DLST: variants seen among roughly 807,000 people sequenced by gnomAD.
The protein encoded by DLST is dihydrolipoyllysine-residue succinyltransferase component of 2-oxoglutarate dehydrogenase complex, mitochondrial.
Under a neutral mutation model 53.1 loss-of-function variants are expected in DLST, and 17 were observed. The observed-to-expected ratio is 0.32, with a 90% confidence interval of 0.22 to 0.48. The LOEUF (loss-of-function observed/expected upper bound fraction) is 0.48. Among genes scored for constraint, DLST ranks in the 20% least tolerant of loss-of-function variants. The pLI, the probability that DLST is intolerant of heterozygous loss-of-function variation, is 0.99. For synonymous variants in DLST, 206 were observed against 204.8 expected (o/e 1.01, Z -0.05); for missense variants, 512 against 583.9 (o/e 0.88, Z 1.27).
rs183306745 is a variant in DLST, at chr14:74,884,627, C to T, written c.98-959C>T. On this transcript the variant is annotated intron_variant, in intron 2 of 14. Coordinates refer to ENST00000334220, the MANE Select transcript of DLST (RefSeq NM_001933.5). ...CAAATGAAATTTGCTGTAGGATGAA[C>T]TCTGAATTGGACTCCAGGTTCCCAA... Among the ~76,000 whole-genome samples the T allele has an allele frequency of 2.6e-5, 4 of 152,314 alleles. No homozygotes were observed. In the East Asian group the frequency reaches 7.7e-4, roughly 29 times the overall value.
At chr14:74,898,019 T>A (rs1033639485) in intron 10 of DLST, among the ~76,000 whole-genome samples, 47 of 150,500 alleles carry the variant, frequency 3.1e-4, no homozygotes, top group African/African-American at 1.0e-3. Context: ...CTTTAAAAAA[T>A]TTTTTTTCAG....
chr14:74,894,692 C>T (rs1884021733), intron 10 of DLST, among the ~76,000 whole-genome samples: 1 of 151,924 alleles, frequency 6.6e-6, no homozygotes, highest in Non-Finnish European at 1.5e-5. Context: ...AATACAGGCG[C>T]CCCCCACCAC....
chr14:74,893,125 C>G, intron 8 of DLST, 139 bp downstream of exon 8: 1 of 1,180,906 alleles, frequency 8.5e-7, no homozygotes, highest in Non-Finnish European at 1.2e-6. Flanking sequence ...ACTTTGTATC[C>G]AAAGGCCTGC....
Position 74,882,396 on chromosome 14 carries a change from C to T in DLST, c.64-195C>T, listed in dbSNP as rs575704641. Among the ~76,000 whole-genome samples, 591 of 152,290 alleles carry T rather than the reference C, an allele frequency of 3.9e-3. 3 individuals carry two copies. The highest frequency in any genetic ancestry group is 7.1e-3 in the Non-Finnish European group (481 of 68,010). ...AAAATCAGTGGGTATTAATGAGTCC[C>T]GTTGGGAAGTTGAGATAGTTTGGCA... On this transcript the variant is annotated intron_variant, in intron 1 of 14. Transcript: ENST00000334220.
At chr14:74,891,622 G>A (rs1345354309) in intron 7 of DLST, 10 of 986,100 alleles carry the variant, frequency 1.0e-5, no homozygotes, top group Non-Finnish European at 6.0e-6. Flanking sequence ...ATATCTCTAG[G>A]AAGGGTTGGT....
At chr14:74,900,755 C>T (rs185804244) in intron 13 of DLST, among the ~76,000 whole-genome samples, 5 of 152,306 alleles carry the variant, frequency 3.3e-5, no homozygotes, top group South Asian at 2.1e-4. Flanking sequence ...GGCAGGGTCT[C>T]GCTGTGTTGC....
At chr14:74,891,344 G>A (rs769157800) in intron 7 of DLST, 177 bp downstream of exon 7, 1 of 1,380,364 alleles carries the variant, frequency 7.2e-7, no homozygotes, top group African/African-American at 1.5e-5. Flanking sequence ...AATTCTAAAA[G>A]AAAAGTGTAT....
chr14:74,896,541 G>A (rs565680406), intron 10 of DLST, among the ~76,000 whole-genome samples: 2 of 152,308 alleles, frequency 1.3e-5, no homozygotes, highest in Admixed American at 1.3e-4. Flanking sequence ...TTGATAGTGC[G>A]CTGTGGCATT....
At chr14:74,894,239 C>CT in intron 9 of DLST, 73 bp from the exon 10 acceptor site, 2 of 1,571,218 alleles carry the variant, frequency 1.3e-6, no homozygotes, top group Admixed American at 3.5e-5. Context: ...AAGCCGTGTT[C>CT]TTTCTGACTA....
In DLST at chr14:74,885,599, C is replaced by G; in HGVS notation, c.111C>G (p.Cys37Trp). Residue 37 changes from cysteine to tryptophan, a missense_variant, in exon 3 of 15, where the codon TGC (cysteine) becomes TGG (tryptophan). By Grantham distance (215) the Cys-to-Trp change is radical. Around this residue, in one of 4 missense-constraint regions of DLST, gnomAD observed 129 missense variants for 90.9 expected, o/e 1.42. Coordinates refer to ENST00000334220, the MANE Select transcript of DLST (RefSeq NM_001933.5). ...TGTTTCTTGCAGGGGTCTCCTTATG[C>G]CAGGGACCAGGTTACCCTAACAGCA... ...GRRSLPGVSL[C>W]QGPGYPNSRK... 1 of 1,613,958 alleles carries G rather than the reference C, an allele frequency of 6.2e-7. No homozygotes were observed. The highest frequency in any genetic ancestry group is 8.5e-7 in the Non-Finnish European group (1 of 1,179,930).
intron 10 of DLST, among the ~76,000 whole-genome samples, chr14:74,897,475 C>T (rs191399528): frequency 1.2e-3 from 186 of 152,246 alleles, no homozygotes; most frequent in African/African-American, 4.2e-3. Flanking sequence ...ACTAACTCTG[C>T]AATGTGTCAT....
In DLST at chr14:74,892,820, T is replaced by C. The variant is rs748140942; in HGVS notation, c.443-14T>C. 11 of 1,597,278 alleles carry C rather than the reference T, an allele frequency of 6.9e-6. No individual in the cohort carries two copies. In the Admixed American group the frequency reaches 1.4e-4, roughly 21 times the overall value. ...CAGACAGTGCCAGTGGCATATACTT[T>C]TCTTGTTTTTCAGCTGCTCCTGCTA... On this transcript the variant is annotated splice_polypyrimidine_tract_variant and intron_variant, in intron 7 of 14. Coordinates refer to ENST00000334220, the MANE Select transcript of DLST (RefSeq NM_001933.5).
At position 74,891,306 on chromosome 14, in the gene DLST, T is replaced by G. The variant is rs1883899204; in HGVS notation, c.442+139T>G. On this transcript the variant is annotated intron_variant, in intron 7 of 14. Coordinates refer to ENST00000334220, the MANE Select transcript of DLST (RefSeq NM_001933.5). Reference sequence around the variant, plus strand: ...TTAGTTGAGGGAATAAGGGGTAAATTTATATATAGTGTGAACTTCAAATGT... The same window carrying G: ...TTAGTTGAGGGAATAAGGGGTAAATGTATATATAGTGTGAACTTCAAATGT... 4 of 1,453,194 alleles carry G rather than the reference T, an allele frequency of 2.8e-6. No individual in the cohort carries two copies. The South Asian group carries it at 5.8e-5, about 21-fold the overall frequency. The allele number at this position is 1,453,194 out of a possible 1,614,324, so 90.0% of individuals were successfully genotyped here.
chr14:74,892,759 T>A (rs1417830044), intron 7 of DLST, 75 bp from the exon 8 acceptor site: 1 of 1,477,542 alleles, frequency 6.8e-7, no homozygotes, highest in African/African-American at 1.4e-5. Flanking sequence ...GAGCTAGAGT[T>A]TTTGCCACTA....
At chr14:74,889,985 A>G (rs757391752) in intron 6 of DLST, 33 bp downstream of exon 6, 4 of 1,603,388 alleles carry the variant, frequency 2.5e-6, no homozygotes, top group Non-Finnish European at 3.4e-6. Flanking sequence ...CCAGCTTTTC[A>G]TGGGCTTCCC....
At chr14:74,899,054 G>T (rs1884160929) in intron 11 of DLST, among the ~76,000 whole-genome samples, 1 of 152,204 alleles carries the variant, frequency 6.6e-6, no homozygotes, top group South Asian at 2.1e-4. Context: ...AGATTGGAGA[G>T]GGGTCAGTGC....
In DLST at chr14:74,882,132, G is replaced by C. The variant is rs1479556215; in HGVS notation, c.63+116G>C. On this transcript the variant is annotated intron_variant, in intron 1 of 14. Transcript: ENST00000334220. The stretch of plus-strand genomic sequence containing the variant: ...CCGGGCCGGGCACCAAGGGCACTGG[G>C]ACGCGGAGGCCGCGCGGGCTGGGCG... 3.1e-6 allele frequency: 3 copies of C among 981,370 alleles called. No homozygotes were observed. In the East Asian group the frequency reaches 1.0e-4, roughly 33 times the overall value. The allele number at this position is 981,370 out of a possible 1,614,324, so 60.8% of individuals were successfully genotyped here.
At chr14:74,888,709 T>TA (rs1883791790) in intron 3 of DLST, among the ~76,000 whole-genome samples, 1 of 152,086 alleles carries the variant, frequency 6.6e-6, no homozygotes, top group Admixed American at 6.5e-5. Flanking sequence ...TCTTATCTCT[T>TA]AAAAAACAAA....
intron 10 of DLST, among the ~76,000 whole-genome samples, chr14:74,896,229 G>T (rs1307676212): frequency 6.6e-6 from 1 of 152,230 alleles, no homozygotes; most frequent in Non-Finnish European, 1.5e-5. Flanking sequence ...CATTCCAGAT[G>T]ATGTTAACAG....
Sources: gnomAD v4.1 joint callset for allele counts (sites outside exome capture counted in the v4.1 genomes callset) on GRCh38, gnomAD v4.1.1 for gene constraint, gnomAD v4.1.1 regional missense constraint, MANE v1.5 for transcripts, NCBI Gene and HGNC (gene_info 2026-07-23, HGNC 2026-07-21) for gene names.